Variants in SPAG16 observed in about 807,000 individuals in gnomAD.
SPAG16 encodes sperm associated antigen 16, also known as sperm-associated antigen 16 protein.
Under a neutral mutation model 80.4 loss-of-function variants are expected in SPAG16, and 86 were observed. The observed-to-expected ratio is 1.07, with a 90% CI of 0.90 to 1.28. The LOEUF is 1.28. Ranked by LOEUF, SPAG16 falls within the 50% of genes most tolerant of loss-of-function variation. The pLI is 0.00. For synonymous variants in SPAG16, 294 were observed against 265.9 expected, an observed-to-expected ratio of 1.11 and a Z score of -1.03; for missense variants, 870 against 765.3, an observed-to-expected ratio of 1.14 and a Z score of -1.61.
intron 5 of SPAG16, among the ~76,000 whole-genome samples, chr2:213,334,897 T>C (rs763713780): frequency 1.3e-5 from 2 of 152,090 alleles, no homozygotes; most frequent in Non-Finnish European, 2.9e-5. Flanking sequence ...GTTAGCACAA[T>C]AGGGTCACTG....
chr2:214,115,024 C>T (rs1422218314), intron 14 of SPAG16, among the ~76,000 whole-genome samples: 1 of 152,214 alleles, frequency 6.6e-6, no homozygotes, highest in African/African-American at 2.4e-5. Flanking sequence ...CAGTATCCCA[C>T]AGCCTCATTA....
chr2:214,005,008 A>C (rs1375579635), intron 12 of SPAG16, among the ~76,000 whole-genome samples: 1 of 152,212 alleles, frequency 6.6e-6, no homozygotes, highest in African/African-American at 2.4e-5. Context: ...TAAGCACTCA[A>C]TAAATGTCTG....
chr2:213,869,310 ATG>A (rs1427334451), intron 11 of SPAG16, among the ~76,000 whole-genome samples: 3 of 83,340 alleles, frequency 3.6e-5, no homozygotes, highest in African/African-American at 1.0e-4. Context: ...TATATATAAT[ATG>A]TATACACACA....
At chr2:213,357,600 A>G (rs900587686) in intron 7 of SPAG16, among the ~76,000 whole-genome samples, 4 of 151,584 alleles carry the variant, frequency 2.6e-5, no homozygotes, top group African/African-American at 7.3e-5. Flanking sequence ...TTTGCTTTCC[A>G]TTTGCTTGGT....
At chr2:213,648,624 A>G (rs1275539340) in intron 10 of SPAG16, among the ~76,000 whole-genome samples, 1 of 151,848 alleles carries the variant, frequency 6.6e-6, no homozygotes, top group Non-Finnish European at 1.5e-5. Context: ...ACACACATTT[A>G]CTAAGGCATG....
intron 10 of SPAG16, among the ~76,000 whole-genome samples, chr2:213,572,737 A>T (rs1279143512): frequency 1.3e-5 from 2 of 152,064 alleles, no homozygotes; most frequent in African/African-American, 2.4e-5. Context: ...AGAGGCAGGC[A>T]GGCCTCCTTG....
intron 10 of SPAG16, among the ~76,000 whole-genome samples, chr2:213,684,211 C>T (rs2125271652): frequency 6.6e-6 from 1 of 152,308 alleles, no homozygotes; most frequent in East Asian, 1.9e-4. Context: ...ATCAAAATAT[C>T]AGTCATTTCT....
chr2:214,000,330 C>T (rs2046735137), intron 12 of SPAG16, among the ~76,000 whole-genome samples: 1 of 152,126 alleles, frequency 6.6e-6, no homozygotes, highest in African/African-American at 2.4e-5. Flanking sequence ...TTGCATCATC[C>T]TCATTTTCTG....
intron 13 of SPAG16, among the ~76,000 whole-genome samples, chr2:214,042,851 T>G (rs184900647): frequency 1.4e-4 from 21 of 152,244 alleles, no homozygotes; most frequent in Admixed American, 1.2e-3. Flanking sequence ...GAGGGAAGTT[T>G]TGATGAAATA....
chr2:214,330,111 A>G (rs1386901618), intron 15 of SPAG16, among the ~76,000 whole-genome samples: 1 of 75,290 alleles, frequency 1.3e-5, no homozygotes, highest in African/African-American at 3.5e-5. Flanking sequence ...TACCAAAAAT[A>G]GAAAAAAAAA....
chr2:213,562,927 A>G (rs2059639476), intron 10 of SPAG16, among the ~76,000 whole-genome samples: 1 of 152,200 alleles, frequency 6.6e-6, no homozygotes, highest in Admixed American at 6.5e-5. Context: ...AATACCATTC[A>G]TGAGGGCTCT....
intron 10 of SPAG16, among the ~76,000 whole-genome samples, chr2:213,655,463 C>A (rs1421020473): frequency 6.6e-6 from 1 of 152,172 alleles, no homozygotes; most frequent in Middle Eastern, 3.2e-3. Flanking sequence ...AAATACTCCA[C>A]TGTTTTACCT....
chr2:214,025,893 T>C (rs2048102180), intron 13 of SPAG16, among the ~76,000 whole-genome samples: 1 of 151,490 alleles, frequency 6.6e-6, no homozygotes, highest in Non-Finnish European at 1.5e-5. Context: ...AATTTAATGA[T>C]ATAACAAAAT....
intron 15 of SPAG16, among the ~76,000 whole-genome samples, chr2:214,399,373 C>T (rs1455771071): frequency 6.6e-6 from 1 of 151,946 alleles, no homozygotes; most frequent in African/African-American, 2.4e-5. Flanking sequence ...TATCACTTAG[C>T]CTCTTTTACC....
intron 11 of SPAG16, among the ~76,000 whole-genome samples, chr2:213,911,679 A>G (rs1453191648): frequency 6.6e-6 from 1 of 152,198 alleles, no homozygotes; most frequent in African/African-American, 2.4e-5. Flanking sequence ...GACAAACAAA[A>G]GGTATGATAT....
At chr2:213,364,197 C>A in intron 8 of SPAG16, 52 bp downstream of exon 8, 1 of 1,075,626 alleles carries the variant, frequency 9.3e-7, no homozygotes, top group South Asian at 2.1e-5. Flanking sequence ...GGTGATTTCT[C>A]AACCTTATCA....
intron 15 of SPAG16, among the ~76,000 whole-genome samples, chr2:214,200,770 T>C (rs886789208): frequency 2.6e-5 from 4 of 152,212 alleles, no homozygotes; most frequent in Non-Finnish European, 5.9e-5. Flanking sequence ...GAGAAAACAA[T>C]TAATTTTAAT....
chr2:213,826,800 C>T (rs1284898339), intron 10 of SPAG16, among the ~76,000 whole-genome samples: 1 of 151,932 alleles, frequency 6.6e-6, no homozygotes, highest in African/African-American at 2.4e-5. Flanking sequence ...TGTTGATTTT[C>T]TGTCTGGGAG....
intron 10 of SPAG16, among the ~76,000 whole-genome samples, chr2:213,524,916 T>C (rs2075830104): frequency 6.6e-6 from 1 of 152,140 alleles, no homozygotes; most frequent in African/African-American, 2.4e-5. Context: ...ATGATTGTGT[T>C]TTGAAATGTG....
Sources: gnomAD v4.1 joint callset for allele counts (sites outside exome capture counted in the v4.1 genomes callset) on GRCh38, gnomAD v4.1.1 for gene constraint, MANE v1.5 for transcripts, NCBI Gene and HGNC (gene_info 2026-07-23, HGNC 2026-07-21) for gene names.